Variants in NARF observed in about 807,000 individuals in gnomAD.
NARF encodes iron-only hydrogenase-like protein 2.
A neutral mutation model predicts 48.0 loss-of-function variants in NARF; 41 were observed. That is an observed-to-expected ratio of 0.85 (90% CI 0.66 to 1.11). The LOEUF is 1.11. NARF is among the 50% of genes least tolerant of loss of function. The pLI, the probability that NARF is intolerant of heterozygous loss-of-function variation, is 0.00. For synonymous variants in NARF, 215 were observed against 225.5 expected, an observed-to-expected ratio of 0.95 and a Z score of 0.42; for missense variants, 613 against 590.2, an observed-to-expected ratio of 1.04 and a Z score of -0.40.
At position 82,488,089 on chromosome 17, in the gene NARF, C is replaced by T. The variant is rs757808821; in HGVS notation, c.1303C>T (p.Arg435Ter). The T allele has an allele frequency of 6.2e-6, 10 of 1,613,952 alleles. No homozygotes were observed. The highest frequency in any genetic ancestry group is 1.1e-5 in the South Asian group (1 of 91,082). ...GGAGGGGATCAACTCCCCCAAGGCC[C>T]GAGAGGTGCTGCATACCACGTACCA... is the stretch of plus-strand genomic sequence containing the variant. ...WLEGINSPKAREVLHTTYQSQ... is the reference protein window; with the variant it reads ...WLEGINSPKA The change falls in exon 11 of 11, where the codon CGA becomes TGA. Residue 435 changes from arginine (R) to a stop codon, truncating the protein, a stop_gained. Coordinates refer to ENST00000309794, the MANE Select transcript of NARF (RefSeq NM_012336.4). LOFTEE classifies it high-confidence loss of function.
At chr17:82,478,734 C>G in intron 5 of NARF, 66 bp from the exon 6 acceptor site, 1 of 1,481,702 alleles carries the variant, frequency 6.7e-7, no homozygotes, top group Non-Finnish European at 9.4e-7. Context: ...TCAGCATTCC[C>G]TGGTGCGTTA....
intron 2 of NARF, chr17:82,460,687 C>T (rs2043415495): frequency 6.6e-6 from 1 of 152,180 alleles, no homozygotes; most frequent in Non-Finnish European, 1.5e-5. Context: ...AGGCGTGAAC[C>T]TGGGAGGCGG....
At chr17:82,472,496 A>G in intron 4 of NARF, 68 bp from the exon 5 acceptor site, 1 of 1,498,206 alleles carries the variant, frequency 6.7e-7, no homozygotes, top group Non-Finnish European at 8.9e-7. Flanking sequence ...AAAAAAAAAA[A>G]AAGAGGAAGC....
chr17:82,487,797 C>CATAAA, intron 10 of NARF, 119 bp from the exon 11 acceptor site: 1 of 505,674 alleles, frequency 2.0e-6, no homozygotes, highest in Non-Finnish European at 3.4e-6. Context: ...CCAATCTCTA[C>CATAAA]AAAAAATTTA....
chr17:82,464,136 G>C, intron 2 of NARF, 151 bp from the exon 3 acceptor site: 1 of 988,136 alleles, frequency 1.0e-6, no homozygotes, highest in Non-Finnish European at 1.5e-6. Context: ...GGCAGAGACT[G>C]TCCTGCTTCC....
chr17:82,468,589 C>T, intron 3 of NARF, 175 bp from the exon 4 acceptor site: 2 of 639,226 alleles, frequency 3.1e-6, no homozygotes, highest in Non-Finnish European at 5.1e-6. Context: ...CAAACCTCAC[C>T]ATAATCCTGA....
intron 9 of NARF, 110 bp downstream of exon 9, chr17:82,485,060 C>A: frequency 7.5e-7 from 1 of 1,324,658 alleles, no homozygotes; most frequent in Non-Finnish European, 1.0e-6. Context: ...TTACACTAGT[C>A]AAAATCAAAA....
intron 7 of NARF, 75 bp downstream of exon 7, chr17:82,481,286 A>T: frequency 6.3e-7 from 1 of 1,585,424 alleles, no homozygotes. Flanking sequence ...AGCCAGGCAG[A>T]TCTGTGTCCC....
chr17:82,470,086 G>A (rs538869079), intron 4 of NARF, among the ~76,000 whole-genome samples: 1 of 152,268 alleles, frequency 6.6e-6, no homozygotes, highest in Non-Finnish European at 1.5e-5. Flanking sequence ...GTACATAAAT[G>A]TAGATATATT....
intron 5 of NARF, among the ~76,000 whole-genome samples, chr17:82,475,770 G>A (rs1280235874): frequency 6.6e-6 from 1 of 152,180 alleles, no homozygotes; most frequent in African/African-American, 2.4e-5. Context: ...CACTGCCACA[G>A]GCGGAGGGAT....
intron 6 of NARF, 118 bp from the exon 7 acceptor site, chr17:82,480,964 G>A (rs1231678916): frequency 8.5e-7 from 1 of 1,175,550 alleles, no homozygotes; most frequent in Non-Finnish European, 1.2e-6. Flanking sequence ...GCAGCATGCA[G>A]TGTCTGGAGG....
rs2044142282 is a variant in NARF at position 82,488,215 on chromosome 17, A to T, written c.*58A>T. On this transcript the variant is annotated 3_prime_UTR_variant, in exon 11 of 11. Coordinates refer to ENST00000309794, the MANE Select transcript of NARF (RefSeq NM_012336.4). ...GCCAGAGCCAAGAGCCTCTCAGTAG[A>T]GGGAGGGGCTGCCCTGAGTGGAGTA... The T allele has an allele frequency of 2.5e-6, 4 of 1,586,274 alleles. No individual in the cohort carries two copies. Among genetic ancestry groups the T allele is most frequent in the Non-Finnish European group, 3.4e-6 (4 of 1,164,514 alleles).
At chr17:82,475,248 G>A (rs1334156643) in intron 5 of NARF, among the ~76,000 whole-genome samples, 1 of 152,180 alleles carries the variant, frequency 6.6e-6, no homozygotes, top group Admixed American at 6.6e-5. Context: ...CCAAGGAAGA[G>A]GCCGTGTAAA....
rs2044161820 is a variant in NARF, at chr17:82,489,483, A to T, written c.*1326A>T. On this transcript the variant is annotated 3_prime_UTR_variant, in exon 11 of 11. Transcript: ENST00000309794. ...GTGCAGGGGGCCCCAGCTCATCATC[A>T]GCACTGTCGTGGGGTGGGAGTCGGG... The T allele has an allele frequency of 6.6e-6, 1 of 152,430 alleles. No homozygotes were observed. Among genetic ancestry groups the T allele is most frequent in the Non-Finnish European group, 1.5e-5 (1 of 68,200 alleles). 9.4% of individuals were successfully genotyped at this position (152,430 alleles called of 1,614,324 possible). A position where few individuals can be genotyped will look rare whatever the true frequency, so the allele number is the denominator to read the frequency against.
chr17:82,477,043 T>A (rs981878263), intron 5 of NARF: 9 of 152,108 alleles, frequency 5.9e-5, no homozygotes, highest in African/African-American at 9.7e-5. Flanking sequence ...AACAGTTTTT[T>A]AAGCAGGATC....
chr17:82,483,500 A>G (rs2044021037), intron 7 of NARF: 1 of 519,148 alleles, frequency 1.9e-6, no homozygotes, highest in South Asian at 2.1e-5. Context: ...AGAAAGAGGA[A>G]TGGAAAGAGG....
intron 9 of NARF, among the ~76,000 whole-genome samples, chr17:82,485,217 C>G (rs955996417): frequency 6.6e-6 from 1 of 152,098 alleles, no homozygotes; most frequent in Admixed American, 6.6e-5. Flanking sequence ...GTCAGGAGAT[C>G]GAGACCATCC....
chr17:82,468,917 T>G (rs2043634775), intron 4 of NARF, 21 bp downstream of exon 4: 1 of 1,612,310 alleles, frequency 6.2e-7, no homozygotes, highest in South Asian at 1.1e-5. Context: ...TTTTGATAAA[T>G]TGGGAATGTA....
chr17:82,464,096 G>C (rs956509914), intron 2 of NARF, 191 bp from the exon 3 acceptor site: 2 of 624,590 alleles, frequency 3.2e-6, no homozygotes, highest in African/African-American at 3.7e-5. Flanking sequence ...CCTGTGTCCT[G>C]TGTCCCTTCA....
Sources: allele counts gnomAD v4.1 joint callset (sites outside exome capture counted in the v4.1 genomes callset), GRCh38; gene constraint gnomAD v4.1.1; transcripts MANE v1.5; gene names NCBI Gene and HGNC (gene_info 2026-07-23, HGNC 2026-07-21).